Variants in SYN3 observed in about 807,000 individuals in gnomAD.
The protein encoded by SYN3 is synapsin III, also known as synapsin-3.
In SYN3, 35 loss-of-function variants were observed where a neutral mutation model predicts 65.8. The observed-to-expected ratio is 0.53, with a 90% CI of 0.41 to 0.70. SYN3 has a LOEUF of 0.70. Ranked by LOEUF, SYN3 falls within the 30% of genes least tolerant of loss-of-function variation. SYN3 has a pLI of 0.00. For synonymous variants in SYN3, 270 were observed against 292.9 expected, an observed-to-expected ratio of 0.92 and a Z score of 0.80; for missense variants, 680 against 749.0, an observed-to-expected ratio of 0.91 and a Z score of 1.08.
intron 6 of SYN3, among the ~76,000 whole-genome samples, chr22:32,773,999 G>T (rs2045842167): frequency 6.6e-6 from 1 of 152,132 alleles, no homozygotes; most frequent in African/African-American, 2.4e-5. Context: ...CGGGGAAGCA[G>T]AATGTGTCTG....
intron 6 of SYN3, among the ~76,000 whole-genome samples, chr22:32,655,793 T>C (rs964341058): frequency 6.6e-6 from 1 of 152,158 alleles, no homozygotes. Flanking sequence ...TGTGATGTAA[T>C]AATAACAGAA....
At chr22:32,954,945 T>TC (rs1214097058) in intron 3 of SYN3, among the ~76,000 whole-genome samples, 1 of 141,974 alleles carries the variant, frequency 7.0e-6, no homozygotes, top group African/African-American at 2.5e-5. Flanking sequence ...TCCTTTTCTT[T>TC]TTTTTTTTTC....
At chr22:32,741,359 T>C (rs975906277) in intron 6 of SYN3, among the ~76,000 whole-genome samples, 1 of 141,006 alleles carries the variant, frequency 7.1e-6, no homozygotes, top group Non-Finnish European at 1.5e-5. Context: ...TTTTTTTTTT[T>C]TTTTTTTTTT....
chr22:32,564,551 C>T (rs1256385737), intron 7 of SYN3, among the ~76,000 whole-genome samples: 4 of 152,096 alleles, frequency 2.6e-5, no homozygotes, highest in African/African-American at 4.8e-5. Flanking sequence ...ACAATGCTCC[C>T]GGACTGTACA....
chr22:32,598,794 T>C (rs1338101798), intron 6 of SYN3, among the ~76,000 whole-genome samples: 1 of 152,080 alleles, frequency 6.6e-6, no homozygotes, highest in Non-Finnish European at 1.5e-5. Context: ...AGCCATAGTT[T>C]TTTTTTTCCT....
chr22:32,752,805 G>T (rs58642153), intron 6 of SYN3, among the ~76,000 whole-genome samples: 5,577 of 152,310 alleles, frequency 0.037, 340 homozygotes, highest in African/African-American at 0.13. Flanking sequence ...GGGCAAGGCT[G>T]AAGTGCAGAG....
intron 3 of SYN3, among the ~76,000 whole-genome samples, chr22:32,963,200 C>T (rs1050590043): frequency 2.0e-5 from 3 of 150,210 alleles, no homozygotes; most frequent in South Asian, 2.1e-4. Context: ...CCTCAGCCTC[C>T]GAGCAGCTAG....
chr22:32,924,945 A>G (rs2050429392), intron 4 of SYN3, among the ~76,000 whole-genome samples: 1 of 152,060 alleles, frequency 6.6e-6, no homozygotes, highest in South Asian at 2.1e-4. Context: ...TTTAAAACTT[A>G]GGCAGGCATG....
chr22:32,957,493 C>T lies in SYN3; in HGVS notation c.369+23152G>A, dbSNP rs551586011. Among the ~76,000 whole-genome samples, 3 of 152,314 alleles carry T rather than the reference C, an allele frequency of 2.0e-5. No homozygotes were observed. In the East Asian group the frequency reaches 5.8e-4, roughly 29 times the overall value. ...AATCTTGTTAAAAGGGCCTCATGTG[C>T]TGGCGCCTATTTAAAATAATGCACA... is the stretch of plus-strand genomic sequence containing the variant. On this transcript the variant is annotated intron_variant, in intron 3 of 13. Transcript: ENST00000358763.
At chr22:32,657,666 T>G (rs2060161331) in intron 6 of SYN3, among the ~76,000 whole-genome samples, 1 of 152,300 alleles carries the variant, frequency 6.6e-6, no homozygotes, top group South Asian at 2.1e-4. Flanking sequence ...CAGACTGTGC[T>G]CTCCGGAGCC....
intron 7 of SYN3, among the ~76,000 whole-genome samples, chr22:32,567,682 T>C (rs1385208073): frequency 6.6e-6 from 1 of 152,064 alleles, no homozygotes; most frequent in East Asian, 1.9e-4. Flanking sequence ...CTTGAAGTCA[T>C]GGAAGTAGGG....
At chr22:32,723,745 C>G (rs545957164) in intron 6 of SYN3, among the ~76,000 whole-genome samples, 86 of 152,366 alleles carry the variant, frequency 5.6e-4, no homozygotes, top group African/African-American at 2.0e-3. Flanking sequence ...TTTTAAGGAA[C>G]TGGCAGGTTG....
At chr22:32,641,715 T>C (rs2059903527) in intron 6 of SYN3, among the ~76,000 whole-genome samples, 1 of 148,292 alleles carries the variant, frequency 6.7e-6, no homozygotes, top group Non-Finnish European at 1.5e-5. Context: ...GAGAGGAAAA[T>C]GGTCTAAAAT....
intron 1 of SYN3, among the ~76,000 whole-genome samples, chr22:33,007,086 G>A (rs1302966015): frequency 2.0e-5 from 3 of 152,292 alleles, no homozygotes; most frequent in South Asian, 4.1e-4. Context: ...TTACACTAGC[G>A]AAATACTGGG....
chr22:32,574,735 A>AG (rs2058827921), intron 7 of SYN3, among the ~76,000 whole-genome samples: 1 of 152,152 alleles, frequency 6.6e-6, no homozygotes. Flanking sequence ...TCCCATAGCT[A>AG]GGCAGCGCCT....
intron 6 of SYN3, among the ~76,000 whole-genome samples, chr22:32,706,699 T>G (rs1045373442): frequency 6.6e-6 from 1 of 152,256 alleles, no homozygotes; most frequent in African/African-American, 2.4e-5. Context: ...GCACACTGAC[T>G]TTGATCTGAC....
chr22:33,028,952 A>G (rs1159515317), intron 1 of SYN3, among the ~76,000 whole-genome samples: 2 of 151,928 alleles, frequency 1.3e-5, no homozygotes, highest in Admixed American at 6.6e-5. Context: ...AGGCAGGAGA[A>G]TGGTGTAAAC....
chr22:32,950,632 G>A (rs1383954724), intron 3 of SYN3, among the ~76,000 whole-genome samples: 1 of 152,144 alleles, frequency 6.6e-6, no homozygotes, highest in African/African-American at 2.4e-5. Context: ...GTGAGGCCTT[G>A]TGACTTTTGA....
rs1247032914 is a variant in SYN3, at chr22:32,657,695, CACAGCAGTCATGA to C, written c.712-60972_712-60960del. ...CGGAGCCTTCCCTATGCTCAAAGGACACAGCAGTCATGAACTGGGCTCCAGTGTCACTCATCAG... is the reference window on the plus strand; with the variant it reads ...CGGAGCCTTCCCTATGCTCAAAGGACACTGGGCTCCAGTGTCACTCATCAG... On this transcript the variant is annotated intron_variant, in intron 6 of 13. Transcript: ENST00000358763. Among the ~76,000 whole-genome samples the C allele has an allele frequency of 1.2e-4, 18 of 152,310 alleles. No individual in the cohort carries two copies. In the East Asian group the frequency reaches 3.1e-3, roughly 26 times the overall value.
Sources: allele counts gnomAD v4.1 joint callset (sites outside exome capture counted in the v4.1 genomes callset), GRCh38; gene constraint gnomAD v4.1.1; transcripts MANE v1.5; gene names NCBI Gene and HGNC (gene_info 2026-07-23, HGNC 2026-07-21).